WNK3: variants seen among roughly 807,000 people sequenced by gnomAD.
WNK3 encodes the protein WNK lysine deficient protein kinase 3.
WNK3 carries 18 observed loss-of-function variants against 116.7 expected under a neutral mutation model. That is an observed-to-expected ratio of 0.15 (90% CI 0.11 to 0.23). The LOEUF (loss-of-function observed/expected upper bound fraction) is 0.23. Ranked by LOEUF, WNK3 falls within the 10% of genes least tolerant of loss-of-function variation. The pLI is 1.00. For missense variants in WNK3, 993 were observed against 1,323.8 expected (o/e 0.75, Z 3.88); for synonymous variants, 404 against 469.4 (o/e 0.86, Z 1.80).
At chrX:54,215,534 C>T (rs1210692163) in intron 22 of WNK3, among the ~76,000 whole-genome samples, 2 of 112,335 alleles carry the variant, frequency 1.8e-5, no homozygotes, top group African/African-American at 3.2e-5. Context: ...GATCTCCGCT[C>T]GCTACAACCT....
At chrX:54,293,914 T>C (rs914164594) in intron 8 of WNK3, among the ~76,000 whole-genome samples, 2 of 112,355 alleles carry the variant, frequency 1.8e-5, no homozygotes, top group Non-Finnish European at 3.8e-5. Flanking sequence ...CGGTGGCTCA[T>C]GCCTACAATC....
chrX:54,333,343 T>C (rs1475857124), exon 2 of WNK3: 2 of 1,207,941 alleles, frequency 1.7e-6, no homozygotes, highest in Non-Finnish European at 2.2e-6. Flanking sequence ...GAGGTTGACT[T>C]TGAACACTGT....
At chrX:54,241,977 A>G (rs782499544) in intron 17 of WNK3, among the ~76,000 whole-genome samples, 20 of 109,936 alleles carry the variant, frequency 1.8e-4, no homozygotes, top group Admixed American at 1.7e-3. Context: ...AAGTTTGTAT[A>G]TAAGAAAAAT....
intron 2 of WNK3, among the ~76,000 whole-genome samples, chrX:54,315,077 T>C (rs1415986326): frequency 9.1e-6 from 1 of 109,509 alleles, no homozygotes; most frequent in African/African-American, 3.3e-5. Flanking sequence ...AGGTGAATCG[T>C]TCGAGCTCAG....
intron 1 of WNK3, among the ~76,000 whole-genome samples, chrX:54,340,249 C>T (rs1698377924): frequency 9.0e-6 from 1 of 111,636 alleles, no homozygotes. Context: ...TGAAGACAAC[C>T]TACAGGGGAG....
chrX:54,243,190 C>T (rs1241686195), intron 17 of WNK3, among the ~76,000 whole-genome samples: 1 of 106,893 alleles, frequency 9.4e-6, no homozygotes, highest in Non-Finnish European at 1.9e-5. Flanking sequence ...CCGAGGCGGG[C>T]GGATCACGAG....
intron 22 of WNK3, among the ~76,000 whole-genome samples, chrX:54,213,400 A>C (rs1301966961): frequency 9.3e-6 from 1 of 107,798 alleles, no homozygotes; most frequent in Non-Finnish European, 1.9e-5. Context: ...TAAAAATACA[A>C]AAAATTAGCT....
rs1557173811 is a variant in WNK3, at chrX:54,328,653, A to G, written c.537+4484T>C. The stretch of plus-strand genomic sequence containing the variant: ...GAAGCAATATCCAAAAACTGATTAA[A>G]TAAGTCCACTAATTCTGACATTCCT... On this transcript the variant is annotated intron_variant, in intron 2 of 23. Transcript: ENST00000354646. Among the ~76,000 whole-genome samples the G allele has an allele frequency of 3.6e-5, 4 of 112,220 alleles. No individual in the cohort carries two copies. In the Middle Eastern group the frequency reaches 0.014, roughly 388 times the overall value.
intron 22 of WNK3, among the ~76,000 whole-genome samples, chrX:54,211,606 C>T (rs782516077): frequency 1.8e-5 from 2 of 110,340 alleles, no homozygotes; most frequent in Non-Finnish European, 3.8e-5. Flanking sequence ...GAAATCAAGA[C>T]AAGCCTGGCC....
At chrX:54,286,375 A>G (rs1229854622) in intron 10 of WNK3, among the ~76,000 whole-genome samples, 1 of 111,256 alleles carries the variant, frequency 9.0e-6, no homozygotes, top group East Asian at 2.8e-4. Flanking sequence ...ACTGAAATCC[A>G]TTATAATTTA....
intron 20 of WNK3, among the ~76,000 whole-genome samples, chrX:54,236,284 AT>A (rs781861921): frequency 0.017 from 1,490 of 87,603 alleles, 17 homozygotes; most frequent in African/African-American, 0.043. Flanking sequence ...TAAGTTTTGT[AT>A]TTTTTTTTTT....
rs1557153348 is a variant in WNK3 at position 54,248,934 on chromosome X, G to A, written c.3414C>T (p.Thr1138=). Reference sequence around the variant, plus strand: ...AAGAAAATGGAGAGTCTATGCTTTGGGTATCCTTCTGACTCTCGGGATAGA... The same window carrying A: ...AAGAAAATGGAGAGTCTATGCTTTGAGTATCCTTCTGACTCTCGGGATAGA... The change falls in exon 17 of 24, where the codon ACC becomes ACT. Residue 1138 remains threonine (T), a synonymous_variant. Transcript: ENST00000354646. 3 of 1,209,211 alleles carry A rather than the reference G, an allele frequency of 2.5e-6. No individual in the cohort carries two copies. The African/African-American group carries it at 5.3e-5, about 21-fold the overall frequency.
chrX:54,283,123 AAAAGAC>A (rs1569537787), intron 10 of WNK3, among the ~76,000 whole-genome samples: 1 of 111,582 alleles, frequency 9.0e-6, no homozygotes, highest in Non-Finnish European at 1.9e-5. Context: ...CTCAACAATA[AAAAGAC>A]AAAAAGATAC....
chrX:54,289,586 T>C (rs1435349467), intron 10 of WNK3, among the ~76,000 whole-genome samples: 1 of 111,135 alleles, frequency 9.0e-6, no homozygotes, highest in East Asian at 2.8e-4. Context: ...AATTAATGAT[T>C]GTTGCTGAAT....
exon 2 of WNK3, chrX:54,333,305 C>G: frequency 8.3e-7 from 1 of 1,211,151 alleles, no homozygotes; most frequent in Non-Finnish European, 1.1e-6. Context: ...TTTCATTTTT[C>G]TCCTTGAAAC....
At position 54,202,008 on chromosome X, in the gene WNK3, A is replaced by T. The variant is rs782025064; in HGVS notation, c.5056T>A (p.Trp1686Arg). 4.1e-6 allele frequency: 5 copies of T among 1,209,860 alleles called. No individual in the cohort carries two copies. The African/African-American group carries it at 8.7e-5, about 21-fold the overall frequency. ...CAACTTACTTCAGATACTTTATTCCAGTTTTCTGTCTCTAGTTTGTGTTGA... is the reference window on the plus strand; with the variant it reads ...CAACTTACTTCAGATACTTTATTCCTGTTTTCTGTCTCTAGTTTGTGTTGA... Residue 1686 changes from tryptophan (W) to arginine (R), a missense_variant, in exon 23 of 24, where the codon TGG becomes AGG. Physicochemically the swap from Trp to Arg is moderately radical, Grantham distance 101 (BLOSUM62 -3). This residue lies in a region of WNK3 where 836 missense variants were observed against 976.5 expected (regional missense o/e 0.86). Transcript: ENST00000354646.
rs1038843545 is a variant in WNK3 at position 54,247,207 on chromosome X, T to C, written c.3651+1490A>G. Among the ~76,000 whole-genome samples, 14 of 111,680 alleles carry C rather than the reference T, an allele frequency of 1.3e-4. No homozygotes were observed. The East Asian group carries it at 3.6e-3, about 29-fold the overall frequency. On this transcript the variant is annotated intron_variant, in intron 17 of 23. Transcript: ENST00000354646. ...GCAACAGACACTTGAAACAAATAAATGAATTCATTTGACCTTGACACTTGG... is the reference window on the plus strand; with the variant it reads ...GCAACAGACACTTGAAACAAATAAACGAATTCATTTGACCTTGACACTTGG...
intron 22 of WNK3, among the ~76,000 whole-genome samples, chrX:54,218,570 TA>T (rs782541452): frequency 0.011 from 877 of 77,797 alleles, 10 homozygotes; most frequent in African/African-American, 0.033. Flanking sequence ...AAAAAAGAAT[TA>T]AAAAAAAAAA....
exon 14 of WNK3, chrX:54,251,541 G>A: frequency 1.7e-6 from 2 of 1,210,683 alleles, no homozygotes; most frequent in Middle Eastern, 2.3e-4. Context: ...CCTGGCTACT[G>A]TTGGAGTCCA....
Sources: gnomAD v4.1 joint callset for allele counts (sites outside exome capture counted in the v4.1 genomes callset) on GRCh38, gnomAD v4.1.1 for gene constraint, gnomAD v4.1.1 regional missense constraint, MANE v1.5 for transcripts, NCBI Gene and HGNC (gene_info 2026-07-23, HGNC 2026-07-21) for gene names.